Variants in TOX observed in about 807,000 individuals in gnomAD.
The protein encoded by TOX is thymocyte selection-associated high mobility group box protein TOX.
Under a neutral mutation model 53.7 loss-of-function variants are expected in TOX, and 11 were observed. That is an observed-to-expected ratio of 0.20 (90% CI 0.13 to 0.34). The LOEUF is 0.34. TOX is among the 10% of genes least tolerant of loss of function. The probability of loss-of-function intolerance (pLI) is 1.00; values close to 1 mark genes in which losing one functional copy is unlikely to be tolerated. For missense variants in TOX, 570 were observed against 664.6 expected (o/e 0.86, Z 1.56); for synonymous variants, 225 against 245.3 (o/e 0.92, Z 0.77).
intron 3 of TOX, among the ~76,000 whole-genome samples, chr8:58,903,219 A>C (rs570197670): frequency 1.3e-5 from 2 of 152,218 alleles, no homozygotes; most frequent in African/African-American, 4.8e-5. Context: ...TGTTGAACAC[A>C]GTTAAGCAAA....
intron 1 of TOX, among the ~76,000 whole-genome samples, chr8:58,972,340 C>CA (rs1813016475): frequency 6.6e-6 from 1 of 152,082 alleles, no homozygotes; most frequent in African/African-American, 2.4e-5. Context: ...TCTGAAAATG[C>CA]AAAGTGCTGT....
At chr8:59,001,552 T>C (rs1402575039) in intron 1 of TOX, among the ~76,000 whole-genome samples, 2 of 152,210 alleles carry the variant, frequency 1.3e-5, no homozygotes, top group African/African-American at 2.4e-5. Flanking sequence ...TACTCAGTTA[T>C]GTAAGCACAC....
chr8:58,813,769 A>C (rs1810124360), intron 7 of TOX, among the ~76,000 whole-genome samples: 1 of 152,240 alleles, frequency 6.6e-6, no homozygotes, highest in Non-Finnish European at 1.5e-5. Flanking sequence ...GAAAGACTTC[A>C]GTAAGAAGAT....
At chr8:58,872,107 C>A (rs1441799066) in intron 3 of TOX, among the ~76,000 whole-genome samples, 2 of 151,794 alleles carry the variant, frequency 1.3e-5, no homozygotes, top group African/African-American at 2.4e-5. Flanking sequence ...AATACAAAAC[C>A]AAACAATATA....
At chr8:59,002,471 A>G (rs1813709622) in intron 1 of TOX, among the ~76,000 whole-genome samples, 1 of 151,314 alleles carries the variant, frequency 6.6e-6, no homozygotes, top group South Asian at 2.1e-4. Flanking sequence ...AGGCGCCTGT[A>G]GTCCCTGCTC....
intron 3 of TOX, among the ~76,000 whole-genome samples, chr8:58,908,009 G>C (rs573054900): frequency 2.0e-5 from 3 of 152,160 alleles, no homozygotes; most frequent in Admixed American, 6.5e-5. Context: ...ATGTGCTATA[G>C]TGGTTGCTGC....
chr8:59,094,537 T>G (rs2162816), intron 1 of TOX, among the ~76,000 whole-genome samples: 13,712 of 151,620 alleles, frequency 0.09, 879 homozygotes, highest in African/African-American at 0.18. Context: ...TAATTACTGT[T>G]TTTGAAAGAT....
intron 1 of TOX, among the ~76,000 whole-genome samples, chr8:58,971,104 G>A (rs190325705): frequency 1.4e-3 from 218 of 152,300 alleles, no homozygotes; most frequent in African/African-American, 5.1e-3. Flanking sequence ...CCTCCTCCTT[G>A]ATTCTGGGGG....
chr8:59,050,852 T>C (rs1401451112), intron 1 of TOX, among the ~76,000 whole-genome samples: 1 of 152,160 alleles, frequency 6.6e-6, no homozygotes, highest in Non-Finnish European at 1.5e-5. Context: ...TTCTGCAGTA[T>C]TTCACCAATA....
intron 1 of TOX, among the ~76,000 whole-genome samples, chr8:58,966,777 C>T (rs1812909239): frequency 6.6e-6 from 1 of 151,848 alleles, no homozygotes; most frequent in Non-Finnish European, 1.5e-5. Flanking sequence ...TTTCCCTCTG[C>T]TGTTAAGGGT....
chr8:59,103,698 T>C (rs1401966201), intron 1 of TOX, among the ~76,000 whole-genome samples: 1 of 152,214 alleles, frequency 6.6e-6, no homozygotes, highest in Non-Finnish European at 1.5e-5. Flanking sequence ...TGGAAGATTA[T>C]GAGATACCTT....
At chr8:58,973,109 T>A (rs1353032891) in intron 1 of TOX, among the ~76,000 whole-genome samples, 1 of 152,222 alleles carries the variant, frequency 6.6e-6, no homozygotes, top group Non-Finnish European at 1.5e-5. Context: ...CAGAACAATG[T>A]TGCCTTTTCT....
intron 1 of TOX, among the ~76,000 whole-genome samples, chr8:59,009,700 T>C (rs1204309464): frequency 7.2e-5 from 11 of 152,178 alleles, no homozygotes; most frequent in Admixed American, 7.2e-4. Flanking sequence ...TGTTTCTCTC[T>C]TCCACATTCT....
At chr8:58,962,784 T>C (rs191735994) in intron 1 of TOX, among the ~76,000 whole-genome samples, 1 of 152,268 alleles carries the variant, frequency 6.6e-6, no homozygotes, top group East Asian at 1.9e-4. Context: ...TGTGAGAATT[T>C]TTTTAAGTGT....
rs1414961420 is a variant in TOX at position 59,085,989 on chromosome 8, T to C, written c.102+32897A>G. Among the ~76,000 whole-genome samples the C allele has an allele frequency of 1.8e-3, 257 of 146,028 alleles. 1 individual carries two copies. Among genetic ancestry groups the C allele is most frequent in the African/African-American group, 6.2e-3 (247 of 39,944 alleles). ...TTTTTCTTTTCTTTTCTTTTTTTTT[T>C]TTTTTTTTTTTTTGAGACAGAGTTT... On this transcript the variant is annotated intron_variant, in intron 1 of 8. Transcript: ENST00000361421.
At position 59,117,432 on chromosome 8, in the gene TOX, C is replaced by T. The variant is rs1245191538; in HGVS notation, c.102+1454G>A. Among the ~76,000 whole-genome samples the T allele has an allele frequency of 6.6e-6, 1 of 152,206 alleles. No homozygotes were observed. Among genetic ancestry groups the T allele is most frequent in the Admixed American group, 6.5e-5 (1 of 15,290 alleles). On this transcript the variant is annotated intron_variant, in intron 1 of 8. Transcript: ENST00000361421. This position sits in a 1 kb window ranked among gnomAD's most constrained non-coding sequence, Gnocchi z 4.6. ...TTCTGCCTTGCTCAAGACTGGATGTCCCTCTTTTCTAACTTGCCTAAACAC... is the reference window on the plus strand; with the variant it reads ...TTCTGCCTTGCTCAAGACTGGATGTTCCTCTTTTCTAACTTGCCTAAACAC...
chr8:58,850,582 T>C (rs958421616), intron 4 of TOX, among the ~76,000 whole-genome samples: 35 of 152,178 alleles, frequency 2.3e-4, no homozygotes, highest in African/African-American at 8.4e-4. Context: ...GGGGTGCAGC[T>C]GTGAATTGTT....
chr8:58,907,695 C>T (rs1585893664), intron 3 of TOX, among the ~76,000 whole-genome samples: 1 of 152,160 alleles, frequency 6.6e-6, no homozygotes, highest in Non-Finnish European at 1.5e-5. Context: ...AATTGGACCC[C>T]ACATCCGCCC....
chr8:59,010,509 C>T (rs543579078), intron 1 of TOX, among the ~76,000 whole-genome samples: 2 of 152,266 alleles, frequency 1.3e-5, no homozygotes. Context: ...ACCTCTCTGC[C>T]TGCCGTAATC....
Sources: gnomAD v4.1 joint callset for allele counts (sites outside exome capture counted in the v4.1 genomes callset) on GRCh38, gnomAD v4.1.1 for gene constraint, Gnocchi (gnomAD v3.1) non-coding constraint, MANE v1.5 for transcripts, NCBI Gene and HGNC (gene_info 2026-07-23, HGNC 2026-07-21) for gene names.